The following SOBP variants were observed in gnomAD, a reference collection of about 807,000 sequenced individuals.
SOBP encodes sine oculis binding protein homolog.
Under a neutral mutation model 53.6 loss-of-function variants are expected in SOBP, and 4 were observed. The ratio of observed to expected loss-of-function variants is 0.07; its 90% CI spans 0.04 to 0.17. The LOEUF (loss-of-function observed/expected upper bound fraction) is 0.17, where lower values mean the gene tolerates loss of function less well. Among genes scored for constraint, SOBP ranks in the 10% least tolerant of loss-of-function variants. The pLI is 1.00. For missense variants in SOBP, 1,088 were observed against 1,204.7 expected (o/e 0.90, Z 1.43); for synonymous variants, 584 against 522.6 (o/e 1.12, Z -1.60).
intron 4 of SOBP, among the ~76,000 whole-genome samples, chr6:107,568,711 A>G (rs1006887234): frequency 6.6e-6 from 1 of 152,132 alleles, no homozygotes; most frequent in East Asian, 1.9e-4. Flanking sequence ...TTCCTCAGGT[A>G]CTCTAACCCT....
intron 3 of SOBP, among the ~76,000 whole-genome samples, chr6:107,517,482 G>A (rs1783355074): frequency 6.6e-6 from 1 of 152,038 alleles, no homozygotes; most frequent in Non-Finnish European, 1.5e-5. Context: ...CTGGACAAAG[G>A]CCCCATCCTC....
At chr6:107,574,046 C>A (rs1379098379) in intron 4 of SOBP, among the ~76,000 whole-genome samples, 1 of 152,172 alleles carries the variant, frequency 6.6e-6, no homozygotes, top group African/African-American at 2.4e-5. Context: ...GAATGGAGAC[C>A]TAAGGAAAAC....
intron 5 of SOBP, among the ~76,000 whole-genome samples, chr6:107,628,131 G>A (rs1459685585): frequency 6.6e-6 from 1 of 152,222 alleles, no homozygotes; most frequent in Non-Finnish European, 1.5e-5. Context: ...AACAGCAGTT[G>A]AGCCGAAGAG....
intron 3 of SOBP, among the ~76,000 whole-genome samples, chr6:107,509,405 A>C (rs1343910056): frequency 1.3e-5 from 2 of 151,746 alleles, no homozygotes; most frequent in Non-Finnish European, 2.9e-5. Flanking sequence ...CAAAAAAAAA[A>C]AAAAACAAAA....
At chr6:107,614,351 A>C (rs1786703669) in intron 5 of SOBP, among the ~76,000 whole-genome samples, 1 of 152,164 alleles carries the variant, frequency 6.6e-6, no homozygotes, top group Admixed American at 6.5e-5. Flanking sequence ...TGAACAGTAG[A>C]GTGAGACCCC....
At chr6:107,561,007 C>CT (rs1784758054) in intron 4 of SOBP, among the ~76,000 whole-genome samples, 1 of 152,142 alleles carries the variant, frequency 6.6e-6, no homozygotes, top group African/African-American at 2.4e-5. Context: ...GATGCATGCC[C>CT]TTTCTTCTGC....
chr6:107,556,492 TC>T (rs1784613706), intron 4 of SOBP, among the ~76,000 whole-genome samples: 1 of 152,252 alleles, frequency 6.6e-6, no homozygotes, highest in South Asian at 2.1e-4. Flanking sequence ...ACCCATCTGA[TC>T]CATCACACCT....
At chr6:107,507,207 A>C (rs954038665) in intron 3 of SOBP, among the ~76,000 whole-genome samples, 2 of 152,168 alleles carry the variant, frequency 1.3e-5, no homozygotes, top group Non-Finnish European at 2.9e-5. Context: ...TTTCCTCTAA[A>C]TCCATTAGAG....
At chr6:107,577,256 C>G (rs1374584829) in intron 4 of SOBP, among the ~76,000 whole-genome samples, 1 of 152,222 alleles carries the variant, frequency 6.6e-6, no homozygotes, top group Non-Finnish European at 1.5e-5. Context: ...GCTTTGTGCT[C>G]CCACCAACTT....
intron 2 of SOBP, 86 bp from the exon 3 acceptor site, chr6:107,506,156 C>T: frequency 8.8e-7 from 1 of 1,135,854 alleles, no homozygotes; most frequent in South Asian, 1.3e-5. Flanking sequence ...GGTTCATGGC[C>T]ATTTTACTTG....
chr6:107,592,953 C>G (rs1785810293), intron 5 of SOBP, among the ~76,000 whole-genome samples: 1 of 152,226 alleles, frequency 6.6e-6, no homozygotes, highest in Non-Finnish European at 1.5e-5. Flanking sequence ...TGCTCTCCAG[C>G]AAGACCATCT....
intron 3 of SOBP, chr6:107,514,786 G>A (rs911105767): frequency 6.6e-6 from 1 of 152,138 alleles, no homozygotes. Flanking sequence ...TTTGTGACTT[G>A]TATGGTTAGT....
At chr6:107,492,342 A>T (rs537539740) in intron 1 of SOBP, among the ~76,000 whole-genome samples, 1 of 152,230 alleles carries the variant, frequency 6.6e-6, no homozygotes, top group South Asian at 2.1e-4. Context: ...GAGAGGTGAA[A>T]GCCACTAGGA....
chr6:107,527,603 C>T (rs9320220), intron 3 of SOBP, among the ~76,000 whole-genome samples: 2,823 of 152,200 alleles, frequency 0.019, 43 homozygotes, highest in East Asian at 0.055. Context: ...CGTATTTGAT[C>T]CTCACCGAAG....
At chr6:107,612,687 C>T (rs1396624360) in intron 5 of SOBP, among the ~76,000 whole-genome samples, 1 of 152,172 alleles carries the variant, frequency 6.6e-6, no homozygotes, top group Non-Finnish European at 1.5e-5. Flanking sequence ...TAACCACTAT[C>T]TGTTTCCAAA....
chr6:107,633,736 G>C lies in SOBP; in HGVS notation c.892G>C (p.Asp298His), dbSNP rs762677541. Reference protein sequence around the residue: ...EGTGVQLLTPDSWNIPLTDAR... With the variant: ...EGTGVQLLTPHSWNIPLTDAR... ...CACCGGGGTGCAGCTGCTCACTCCA[G>C]ACTCTTGGAATATCCCGCTAACAGA... Residue 298 changes from aspartate (D) to histidine (H), a missense_variant, in exon 6 of 7, where the codon GAC becomes CAC. Transcript: ENST00000317357. 2 of 1,614,244 alleles carry C rather than the reference G, an allele frequency of 1.2e-6. No individual in the cohort carries two copies. Among genetic ancestry groups the C allele is most frequent in the Non-Finnish European group, 8.5e-7 (1 of 1,180,042 alleles).
chr6:107,565,839 G>A (rs1486674097), intron 4 of SOBP, among the ~76,000 whole-genome samples: 2 of 152,212 alleles, frequency 1.3e-5, no homozygotes, highest in Non-Finnish European at 2.9e-5. Context: ...AAGGAAATTG[G>A]AATGGGAAGG....
intron 3 of SOBP, among the ~76,000 whole-genome samples, chr6:107,518,117 T>C (rs1034401276): frequency 7.2e-5 from 11 of 152,230 alleles, no homozygotes; most frequent in African/African-American, 1.2e-4. Flanking sequence ...AAAAGACTTA[T>C]ATTGACAATG....
chr6:107,572,338 G>A (rs1785097921), intron 4 of SOBP, among the ~76,000 whole-genome samples: 1 of 145,140 alleles, frequency 6.9e-6, no homozygotes, highest in Non-Finnish European at 1.5e-5. Context: ...GAGTTTTGCT[G>A]TATCGCCCAG....
Sources: allele counts gnomAD v4.1 joint callset (sites outside exome capture counted in the v4.1 genomes callset), GRCh38; gene constraint gnomAD v4.1.1; transcripts MANE v1.5; gene names NCBI Gene and HGNC (gene_info 2026-07-23, HGNC 2026-07-21).